EXT1: variants seen among roughly 807,000 people sequenced by gnomAD.
The protein encoded by EXT1 is exostosin glycosyltransferase 1.
A neutral mutation model predicts 82.5 loss-of-function variants in EXT1; 20 were observed. The observed-to-expected ratio is 0.24, with a 90% confidence interval of 0.17 to 0.35. The LOEUF (loss-of-function observed/expected upper bound fraction) is 0.35. Ranked by LOEUF, EXT1 falls within the 10% of genes least tolerant of loss-of-function variation. The pLI is 1.00. For synonymous variants in EXT1, 348 were observed against 350.8 expected (o/e 0.99, Z 0.09); for missense variants, 757 against 936.5 (o/e 0.81, Z 2.50).
At chr8:118,102,304 T>C (rs928930992) in intron 1 of EXT1, among the ~76,000 whole-genome samples, 13 of 146,052 alleles carry the variant, frequency 8.9e-5, no homozygotes, top group African/African-American at 3.3e-4. Context: ...TGTAAGAAAA[T>C]GTAAATGGTT....
intron 1 of EXT1, among the ~76,000 whole-genome samples, chr8:117,858,133 T>A (rs190263940): frequency 6.6e-6 from 1 of 152,252 alleles, no homozygotes; most frequent in Non-Finnish European, 1.5e-5. Flanking sequence ...CTACTCCTGA[T>A]GAAGATGCTT....
At chr8:117,979,535 GA>G (rs550280173) in intron 1 of EXT1, among the ~76,000 whole-genome samples, 135 of 142,564 alleles carry the variant, frequency 9.5e-4, no homozygotes, top group Admixed American at 1.8e-3. Flanking sequence ...CATCAAAAAT[GA>G]AAAAAAAAAA....
intron 1 of EXT1, among the ~76,000 whole-genome samples, chr8:117,911,583 CCCTTTGAGACTGG>C (rs575137909): frequency 1.7e-3 from 253 of 152,302 alleles, no homozygotes; most frequent in Middle Eastern, 6.8e-3. Flanking sequence ...AAATGGGGAA[CCCTTTGAGACTGG>C]CCTCAGAAAG....
chr8:117,912,810 A>G (rs897368910), intron 1 of EXT1, among the ~76,000 whole-genome samples: 3 of 152,254 alleles, frequency 2.0e-5, no homozygotes, highest in African/African-American at 7.2e-5. Flanking sequence ...ATTATTTCTC[A>G]TAACAGTAGG....
chr8:117,905,680 C>T (rs900151156), intron 1 of EXT1, among the ~76,000 whole-genome samples: 9 of 152,008 alleles, frequency 5.9e-5, no homozygotes, highest in Non-Finnish European at 8.8e-5. Context: ...GGCGTGGTGG[C>T]GGGCGCCTGC....
At position 118,090,876 on chromosome 8, in the gene EXT1, T is replaced by G. The variant is rs578034637; in HGVS notation, c.962+19209A>C. Among the ~76,000 whole-genome samples, 25 of 142,060 alleles carry G rather than the reference T, an allele frequency of 1.8e-4. No individual in the cohort carries two copies. In the South Asian group the frequency reaches 5.9e-3, roughly 34 times the overall value. 93.2% of individuals were successfully genotyped at this position (142,060 alleles called of 152,430 possible). ...GAATCCTGTATACACAGGTTTATAC[T>G]AAGGGATCAGAGTCCAGGAAAGCTG... On this transcript the variant is annotated intron_variant, in intron 1 of 10. Transcript: ENST00000378204.
chr8:117,878,235 T>C (rs1260089851), intron 1 of EXT1, among the ~76,000 whole-genome samples: 1 of 152,136 alleles, frequency 6.6e-6, no homozygotes, highest in Non-Finnish European at 1.5e-5. Flanking sequence ...GATCACACCA[T>C]TGCACTCTAG....
intron 1 of EXT1, among the ~76,000 whole-genome samples, chr8:117,930,532 G>A (rs960229770): frequency 2.6e-5 from 4 of 152,164 alleles, no homozygotes; most frequent in African/African-American, 4.8e-5. Flanking sequence ...TCTAAAAATG[G>A]ATCAGTGCTA....
intron 1 of EXT1, among the ~76,000 whole-genome samples, chr8:118,002,880 C>A (rs1815701412): frequency 6.6e-6 from 1 of 152,060 alleles, no homozygotes. Context: ...AATCCCACTC[C>A]TAGTATCTAC....
intron 1 of EXT1, among the ~76,000 whole-genome samples, chr8:118,017,424 A>G (rs909418499): frequency 2.0e-5 from 3 of 152,116 alleles, no homozygotes; most frequent in Non-Finnish European, 4.4e-5. Context: ...GCTAAAGTAA[A>G]CAGTAACAAA....
intron 1 of EXT1, among the ~76,000 whole-genome samples, chr8:118,096,094 A>T (rs934968548): frequency 1.3e-5 from 2 of 152,226 alleles, no homozygotes; most frequent in Non-Finnish European, 2.9e-5. Context: ...TTTGAACGTA[A>T]CCTGAGCAAA....
intron 1 of EXT1, among the ~76,000 whole-genome samples, chr8:117,849,611 G>A (rs911476590): frequency 6.6e-6 from 1 of 150,938 alleles, no homozygotes; most frequent in African/African-American, 2.5e-5. Flanking sequence ...GGTATGATTC[G>A]TCAAGTTCTC....
intron 1 of EXT1, among the ~76,000 whole-genome samples, chr8:117,991,446 C>T (rs61601333): frequency 0.019 from 2,933 of 152,146 alleles, 37 homozygotes; most frequent in Middle Eastern, 0.031. Flanking sequence ...ACCACTGGAC[C>T]CTCTCCCCTG....
At chr8:117,983,370 C>A (rs565789626) in intron 1 of EXT1, among the ~76,000 whole-genome samples, 11 of 152,112 alleles carry the variant, frequency 7.2e-5, no homozygotes, top group African/African-American at 2.7e-4. Context: ...TGTGGTCCCA[C>A]CTACTCAAGA....
chr8:117,933,271 G>C (rs1207179503), intron 1 of EXT1, among the ~76,000 whole-genome samples: 2 of 144,702 alleles, frequency 1.4e-5, no homozygotes, highest in Non-Finnish European at 3.0e-5. Context: ...ATTTGAGATG[G>C]AGTCTTGCTC....
intron 1 of EXT1, among the ~76,000 whole-genome samples, chr8:118,062,363 G>T (rs760851239): frequency 6.6e-6 from 1 of 152,194 alleles, no homozygotes; most frequent in Non-Finnish European, 1.5e-5. Context: ...TGGGCTTGCA[G>T]ACACAGACTT....
At chr8:117,836,942 C>T (rs1183864437) in intron 2 of EXT1, among the ~76,000 whole-genome samples, 166 bp downstream of exon 2, 1 of 152,170 alleles carries the variant, frequency 6.6e-6, no homozygotes, top group Non-Finnish European at 1.5e-5. Flanking sequence ...CCTCCCTCCA[C>T]CCCTCACTTG....
chr8:117,924,083 G>C (rs1432948227), intron 1 of EXT1, among the ~76,000 whole-genome samples: 1 of 152,218 alleles, frequency 6.6e-6, no homozygotes, highest in East Asian at 1.9e-4. Flanking sequence ...GCTAGAACTG[G>C]AGAATTTCCT....
At chr8:117,980,697 G>GTTTTTTTTTTTTTTTTT (rs1491146564) in intron 1 of EXT1, among the ~76,000 whole-genome samples, 1 of 27,582 alleles carries the variant, frequency 3.6e-5, no homozygotes, top group South Asian at 1.1e-3. Context: ...GGGTGTTGGT[G>GTTTTTTTTTTTTTTTTT]GTTTTTTTTT....
Sources: gnomAD v4.1 joint callset for allele counts (sites outside exome capture counted in the v4.1 genomes callset) on GRCh38, gnomAD v4.1.1 for gene constraint, MANE v1.5 for transcripts, NCBI Gene and HGNC (gene_info 2026-07-23, HGNC 2026-07-21) for gene names.